The following PPP1R14C variants were observed in gnomAD, a reference collection of about 807,000 sequenced individuals.
PPP1R14C encodes the protein protein phosphatase 1 regulatory inhibitor subunit 14C, also known as protein phosphatase 1 regulatory subunit 14C.
Under a neutral mutation model 20.4 loss-of-function variants are expected in PPP1R14C, and 16 were observed. That is an observed-to-expected ratio of 0.78 (90% CI 0.53 to 1.19). The LOEUF is 1.19. Ranked by LOEUF, PPP1R14C falls within the 50% of genes most tolerant of loss-of-function variation. The probability of loss-of-function intolerance (pLI) is 0.00; values close to 1 mark genes in which losing one functional copy is unlikely to be tolerated. For synonymous variants in PPP1R14C, 91 were observed against 91.0 expected (o/e 1.00, Z 0.00); for missense variants, 211 against 220.1 (o/e 0.96, Z 0.26).
chr6:150,156,278 T>A (rs1048924323), intron 1 of PPP1R14C, among the ~76,000 whole-genome samples: 3 of 152,144 alleles, frequency 2.0e-5, no homozygotes, highest in Non-Finnish European at 4.4e-5. Context: ...AGTATATATT[T>A]TATCTTACAT....
intron 1 of PPP1R14C, among the ~76,000 whole-genome samples, chr6:150,147,669 G>T (rs1475002181): frequency 6.6e-6 from 1 of 152,194 alleles, no homozygotes; most frequent in Non-Finnish European, 1.5e-5. Flanking sequence ...TCAGATGATT[G>T]CAATGCCCGT....
chr6:150,192,092 T>A (rs1230392016), intron 1 of PPP1R14C, among the ~76,000 whole-genome samples: 1 of 152,182 alleles, frequency 6.6e-6, no homozygotes, highest in African/African-American at 2.4e-5. Context: ...AGCATGAAAT[T>A]CCATGCATGA....
intron 3 of PPP1R14C, among the ~76,000 whole-genome samples, chr6:150,219,726 T>C (rs1225455205): frequency 2.6e-5 from 4 of 152,226 alleles, no homozygotes; most frequent in Non-Finnish European, 4.4e-5. Context: ...CTCTCTGCAT[T>C]GTCTCTGTTT....
chr6:150,228,226 G>A (rs1282719654), intron 3 of PPP1R14C, among the ~76,000 whole-genome samples: 1 of 152,192 alleles, frequency 6.6e-6, no homozygotes, highest in Non-Finnish European at 1.5e-5. Flanking sequence ...ACTTCATTCA[G>A]CACTCTTTGT....
intron 1 of PPP1R14C, among the ~76,000 whole-genome samples, chr6:150,206,765 G>A (rs1030422665): frequency 2.0e-5 from 3 of 152,132 alleles, no homozygotes; most frequent in Admixed American, 2.0e-4. Flanking sequence ...CAAGAAAGGC[G>A]ATTCCTGTAA....
At chr6:150,149,185 A>G (rs9942483) in intron 1 of PPP1R14C, among the ~76,000 whole-genome samples, 5,211 of 152,254 alleles carry the variant, frequency 0.034, 307 homozygotes, top group African/African-American at 0.12. Flanking sequence ...CAGTGGTTAC[A>G]ATGTGTGCTT....
rs887231496 is a variant in PPP1R14C, at chr6:150,192,809, A to G, written c.307-21935A>G. ...GACTGGACTGGGCTGGTTTTCCACG[A>G]TGGTTCCTTCACCTACAGGTCTGGC... On this transcript the variant is annotated intron_variant, in intron 1 of 3. Coordinates refer to ENST00000361131, the MANE Select transcript of PPP1R14C (RefSeq NM_030949.3). Among the ~76,000 whole-genome samples, 3 of 152,040 alleles carry G rather than the reference A, an allele frequency of 2.0e-5. No individual in the cohort carries two copies. In the East Asian group the frequency reaches 5.8e-4, roughly 29 times the overall value.
chr6:150,176,760 T>TA (rs1397734694), intron 1 of PPP1R14C, among the ~76,000 whole-genome samples: 6 of 152,238 alleles, frequency 3.9e-5, no homozygotes, highest in Non-Finnish European at 7.3e-5. Context: ...AAGGGCAGTG[T>TA]CCTGCCGTGG....
intron 3 of PPP1R14C, among the ~76,000 whole-genome samples, chr6:150,236,765 G>A (rs1273078402): frequency 3.9e-5 from 6 of 152,116 alleles, no homozygotes; most frequent in African/African-American, 1.2e-4. Flanking sequence ...CCCTTGAGAC[G>A]GGAGGTCGCA....
intron 3 of PPP1R14C, among the ~76,000 whole-genome samples, chr6:150,248,407 A>G (rs1025891429): frequency 3.9e-5 from 6 of 152,186 alleles, no homozygotes; most frequent in African/African-American, 1.2e-4. Flanking sequence ...AGGCTCACTC[A>G]GAATCTGTGA....
intron 1 of PPP1R14C, chr6:150,195,295 C>T (rs766569764): frequency 3.3e-5 from 14 of 425,898 alleles, no homozygotes; most frequent in Non-Finnish European, 4.1e-5. Context: ...AAATGCAGTT[C>T]CTGCCCTCAA....
chr6:150,151,872 G>A (rs1004352360), intron 1 of PPP1R14C, among the ~76,000 whole-genome samples: 221 of 152,222 alleles, frequency 1.5e-3, no homozygotes, highest in Non-Finnish European at 2.0e-3. Flanking sequence ...TGTAATCCCA[G>A]CACTTTGGGA....
In PPP1R14C at chr6:150,201,426, A is replaced by G. The variant is rs1582915565; in HGVS notation, c.307-13318A>G. On this transcript the variant is annotated intron_variant, in intron 1 of 3. Coordinates refer to ENST00000361131, the MANE Select transcript of PPP1R14C (RefSeq NM_030949.3). This position sits in a 1 kb window ranked among gnomAD's most constrained non-coding sequence, Gnocchi z 4.2. ...AGATAACAAGAAGAGTGTCCTACACATGCACCCAGCACGTGCAAAGGCCCT... is the reference window on the plus strand; with the variant it reads ...AGATAACAAGAAGAGTGTCCTACACGTGCACCCAGCACGTGCAAAGGCCCT... Among the ~76,000 whole-genome samples the G allele has an allele frequency of 6.6e-6, 1 of 152,184 alleles. No homozygotes were observed. Among genetic ancestry groups the G allele is most frequent in the East Asian group, 1.9e-4 (1 of 5,194 alleles).
intron 3 of PPP1R14C, among the ~76,000 whole-genome samples, chr6:150,223,340 T>C (rs1435163723): frequency 2.0e-5 from 3 of 152,230 alleles, no homozygotes; most frequent in Admixed American, 6.5e-5. Context: ...TGAACATAAG[T>C]TCTCAAGTCT....
At chr6:150,145,941 T>C (rs561018461) in intron 1 of PPP1R14C, among the ~76,000 whole-genome samples, 1 of 152,252 alleles carries the variant, frequency 6.6e-6, no homozygotes, top group Admixed American at 6.5e-5. Flanking sequence ...GAATAGAAAA[T>C]AATCTTTTGG....
At chr6:150,225,695 A>G (rs1661457477) in intron 3 of PPP1R14C, among the ~76,000 whole-genome samples, 2 of 152,222 alleles carry the variant, frequency 1.3e-5, no homozygotes, top group Non-Finnish European at 2.9e-5. Flanking sequence ...GATTGACACC[A>G]TTGTTGTCAG....
intron 1 of PPP1R14C, among the ~76,000 whole-genome samples, chr6:150,159,017 G>T (rs1014143862): frequency 6.6e-6 from 1 of 152,084 alleles, no homozygotes; most frequent in Non-Finnish European, 1.5e-5. Flanking sequence ...TCATTTTTGG[G>T]GGGGCAGGAA....
intron 1 of PPP1R14C, among the ~76,000 whole-genome samples, chr6:150,167,836 A>C (rs895336120): frequency 6.8e-6 from 1 of 147,944 alleles, no homozygotes; most frequent in African/African-American, 2.5e-5. Flanking sequence ...GATTTGAAGA[A>C]AAAGAGTTGA....
At chr6:150,159,742 G>T (rs1303672704) in intron 1 of PPP1R14C, among the ~76,000 whole-genome samples, 1 of 151,992 alleles carries the variant, frequency 6.6e-6, no homozygotes, top group Admixed American at 6.5e-5. Flanking sequence ...AGCAACATAT[G>T]TTAGAATTAT....
Sources: gnomAD v4.1 joint callset for allele counts (sites outside exome capture counted in the v4.1 genomes callset) on GRCh38, gnomAD v4.1.1 for gene constraint, Gnocchi (gnomAD v3.1) non-coding constraint, MANE v1.5 for transcripts, NCBI Gene and HGNC (gene_info 2026-07-23, HGNC 2026-07-21) for gene names.